Variants in PDSS2 observed in about 807,000 individuals in gnomAD.
PDSS2 encodes decaprenyl diphosphate synthase subunit 2.
PDSS2 carries 31 observed loss-of-function variants against 44.5 expected under a neutral mutation model. That is an observed-to-expected ratio of 0.70 (90% CI 0.52 to 0.94). The LOEUF is 0.94. PDSS2 is among the 40% of genes least tolerant of loss of function. The pLI is 0.00. For missense variants in PDSS2, 452 were observed against 482.2 expected, an observed-to-expected ratio of 0.94 and a Z score of 0.59; for synonymous variants, 157 against 180.3, an observed-to-expected ratio of 0.87 and a Z score of 1.03.
chr6:107,226,325 A>G (rs1773820870), intron 4 of PDSS2, among the ~76,000 whole-genome samples: 1 of 152,162 alleles, frequency 6.6e-6, no homozygotes, highest in Non-Finnish European at 1.5e-5. Context: ...AAAAAGAAAT[A>G]TAATTATAAA....
intron 2 of PDSS2, among the ~76,000 whole-genome samples, chr6:107,328,396 C>A (rs1777614408): frequency 6.6e-6 from 1 of 152,156 alleles, no homozygotes; most frequent in Non-Finnish European, 1.5e-5. Flanking sequence ...AAAGTTACTT[C>A]ACCTGAGTCT....
chr6:107,214,172 C>T (rs112233134), intron 4 of PDSS2, among the ~76,000 whole-genome samples: 1,634 of 150,782 alleles, frequency 0.011, 36 homozygotes, highest in African/African-American at 0.037. Flanking sequence ...GGCGCGATCT[C>T]GGCTCACTGC....
At chr6:107,197,251 G>A (rs897179057) in intron 6 of PDSS2, among the ~76,000 whole-genome samples, 1 of 151,546 alleles carries the variant, frequency 6.6e-6, no homozygotes, top group African/African-American at 2.4e-5. Context: ...ATCTGAAGGT[G>A]GGGGTGGGGT....
intron 7 of PDSS2, 80 bp from the exon 8 acceptor site, chr6:107,154,857 T>C (rs556486672): frequency 2.3e-5 from 29 of 1,259,952 alleles, no homozygotes; most frequent in East Asian, 4.6e-5. Flanking sequence ...GGAGGGGAGA[T>C]GGAAAACAAA....
intron 7 of PDSS2, among the ~76,000 whole-genome samples, chr6:107,168,414 T>TCTTG (rs1771434308): frequency 6.6e-6 from 1 of 152,156 alleles, no homozygotes; most frequent in Non-Finnish European, 1.5e-5. Context: ...CACTGATGGG[T>TCTTG]CTTGACTCTT....
chr6:107,212,331 A>G, intron 4 of PDSS2, 49 bp from the exon 5 acceptor site: 1 of 1,430,890 alleles, frequency 7.0e-7, no homozygotes, highest in Non-Finnish European at 9.7e-7. Context: ...GGAGTAATTT[A>G]ATTGTTTCTG....
chr6:107,333,439 G>A (rs1777774135), intron 2 of PDSS2, among the ~76,000 whole-genome samples: 1 of 152,166 alleles, frequency 6.6e-6, no homozygotes, highest in East Asian at 1.9e-4. Context: ...CTAAATACAT[G>A]AGATGTAAAA....
chr6:107,203,589 T>C (rs1562372352), intron 6 of PDSS2, among the ~76,000 whole-genome samples: 1 of 152,216 alleles, frequency 6.6e-6, no homozygotes, highest in South Asian at 2.1e-4. Flanking sequence ...GTCTGCTTCA[T>C]GACTTCTTCA....
At chr6:107,432,222 T>C (rs1051952561) in intron 1 of PDSS2, among the ~76,000 whole-genome samples, 1 of 152,098 alleles carries the variant, frequency 6.6e-6, no homozygotes, top group African/African-American at 2.4e-5. Context: ...AAAAACACAA[T>C]ATAATTTGGG....
At chr6:107,290,819 C>CT (rs1013084100) in intron 2 of PDSS2, among the ~76,000 whole-genome samples, 1 of 152,156 alleles carries the variant, frequency 6.6e-6, no homozygotes, top group Admixed American at 6.5e-5. Context: ...CTACTTCCTG[C>CT]TTTTTTTCCC....
chr6:107,429,894 AAAAAAAAATATATATAT>A lies in PDSS2; in HGVS notation c.296+29079_296+29095del, dbSNP rs1174283312. Among the ~76,000 whole-genome samples, 56 of 45,790 alleles carry A rather than the reference AAAAAAAAATATATATAT, an allele frequency of 1.2e-3. 5 individuals carry two copies. The highest frequency in any genetic ancestry group is 8.7e-3 in the East Asian group (11 of 1,258). 30.0% of individuals were successfully genotyped at this position (45,790 alleles called of 152,430 possible). A position where few individuals can be genotyped will look rare whatever the true frequency, so the allele number is the denominator to read the frequency against. On this transcript the variant is annotated intron_variant, in intron 1 of 7. Transcript: ENST00000369037. ...AGCAAAACTTAGTCTCAAAAAAAAA[AAAAAAAAATATATATAT>A]ATATATATATATATATATATATATA...
chr6:107,342,597 A>G (rs575594043), intron 1 of PDSS2, among the ~76,000 whole-genome samples: 1 of 152,160 alleles, frequency 6.6e-6, no homozygotes, highest in Non-Finnish European at 1.5e-5. Context: ...TTGTTTCTTC[A>G]TTTAGGAGAA....
intron 2 of PDSS2, among the ~76,000 whole-genome samples, chr6:107,318,492 G>T (rs1279265483): frequency 6.6e-6 from 1 of 151,734 alleles, no homozygotes; most frequent in African/African-American, 2.4e-5. Context: ...TAAGTCTGTT[G>T]TAATGGTTAG....
intron 1 of PDSS2, among the ~76,000 whole-genome samples, chr6:107,409,228 TC>T (rs1780415191): frequency 6.6e-6 from 1 of 152,144 alleles, no homozygotes; most frequent in South Asian, 2.1e-4. Context: ...ACAAACCTGT[TC>T]CCTATGCCAT....
At chr6:107,378,592 C>A (rs1779362738) in intron 1 of PDSS2, among the ~76,000 whole-genome samples, 1 of 152,050 alleles carries the variant, frequency 6.6e-6, no homozygotes, top group African/African-American at 2.4e-5. Flanking sequence ...TCAAGACCAG[C>A]TGGGCCAATA....
intron 1 of PDSS2, among the ~76,000 whole-genome samples, chr6:107,391,639 T>C (rs916846464): frequency 5.3e-5 from 8 of 152,270 alleles, no homozygotes; most frequent in African/African-American, 9.6e-5. Context: ...ACCCATATTA[T>C]ATTTCCTTTG....
chr6:107,392,603 G>A (rs977211212), intron 1 of PDSS2, among the ~76,000 whole-genome samples: 1 of 152,162 alleles, frequency 6.6e-6, no homozygotes, highest in African/African-American at 2.4e-5. Flanking sequence ...AACTTTTAAT[G>A]CATAAACCAT....
chr6:107,444,478 A>C (rs1218875329), intron 1 of PDSS2, among the ~76,000 whole-genome samples: 6 of 152,198 alleles, frequency 3.9e-5, no homozygotes, highest in Non-Finnish European at 8.8e-5. Flanking sequence ...TGATTACTAT[A>C]CTGTCTCTCC....
At chr6:107,255,764 A>T (rs1454182245) in intron 3 of PDSS2, among the ~76,000 whole-genome samples, 1 of 152,142 alleles carries the variant, frequency 6.6e-6, no homozygotes, top group African/African-American at 2.4e-5. Flanking sequence ...AATTACACAC[A>T]AGGTCTTCCA....
Sources: allele counts gnomAD v4.1 joint callset (sites outside exome capture counted in the v4.1 genomes callset), GRCh38; gene constraint gnomAD v4.1.1; transcripts MANE v1.5; gene names NCBI Gene and HGNC (gene_info 2026-07-23, HGNC 2026-07-21).